Variants in DPP9 observed in about 807,000 individuals in gnomAD.
The protein encoded by DPP9 is dipeptidyl peptidase 9.
In DPP9, 50 loss-of-function variants were observed where a neutral mutation model predicts 110.7. The ratio of observed to expected loss-of-function variants is 0.45; its 90% CI spans 0.36 to 0.57. DPP9 has a LOEUF of 0.57. DPP9 is among the 20% of genes least tolerant of loss of function. The pLI, the probability that DPP9 is intolerant of heterozygous loss-of-function variation, is 0.00. For missense variants in DPP9, 1,022 were observed against 1,217.9 expected, an observed-to-expected ratio of 0.84 and a Z score of 2.39; for synonymous variants, 561 against 514.4, an observed-to-expected ratio of 1.09 and a Z score of -1.23.
chr19:4,695,417 C>T lies in DPP9; in HGVS notation c.1314G>A (p.Pro438=), dbSNP rs954699260. The T allele has an allele frequency of 3.2e-5, 51 of 1,593,442 alleles. No individual in the cohort carries two copies. Among genetic ancestry groups the T allele is most frequent in the African/African-American group, 1.2e-4 (9 of 74,204 alleles). ...SARAVPRNVQ[P]YVVYEEVTNV... is the part of the protein sequence containing the mutation. ...TGGTGACCTCCTCGTACACCACATA[C>T]GGCTGGACATTCCTGGGGACAGCTC... Residue 438 remains proline, a synonymous_variant, in exon 12 of 22, where the codon CCG becomes CCA. Coordinates refer to ENST00000262960, the MANE Select transcript of DPP9 (RefSeq NM_139159.5). The surrounding 1 kb of genome is among the most constrained non-coding windows in gnomAD (Gnocchi z 4.7).
At chr19:4,705,344 C>A (rs1465207989) in intron 5 of DPP9, among the ~76,000 whole-genome samples, 1 of 152,182 alleles carries the variant, frequency 6.6e-6, no homozygotes, top group Non-Finnish European at 1.5e-5. Flanking sequence ...CCATCTCAGC[C>A]TACCAATTAG....
At position 4,687,939 on chromosome 19, in the gene DPP9, G is replaced by A. The variant is rs528326494; in HGVS notation, c.1885+818C>T. The stretch of plus-strand genomic sequence containing the variant: ...CAGCCTCCCGAGTAGTGGGACTACA[G>A]GCGCCCGCCACCATGCTCGGCTAAT... On this transcript the variant is annotated intron_variant, in intron 16 of 21. Coordinates refer to ENST00000262960, the MANE Select transcript of DPP9 (RefSeq NM_139159.5). The surrounding 1 kb of genome is among the most constrained non-coding windows in gnomAD (Gnocchi z 4.7). Among the ~76,000 whole-genome samples the A allele has an allele frequency of 8.9e-4, 136 of 152,032 alleles. No individual in the cohort carries two copies. The highest frequency in any genetic ancestry group is 1.8e-3 in the Non-Finnish European group (119 of 67,994).
At position 4,685,669 on chromosome 19, in the gene DPP9, C is replaced by T; in HGVS notation, c.1988G>A (p.Gly663Glu). Reference protein sequence around the residue: ...MIYKPHALQPGKKHPTVLFVY... With the variant: ...MIYKPHALQPEKKHPTVLFVY... ...AAAGAGGACGGTGGGGTGCTTCTTC[C>T]CTGGCTGCAAGGCGTGGGGCTTGTA... The change falls in exon 17 of 22, where the codon GGG (glycine) becomes GAG (glutamate). Residue 663 changes from glycine (G) to glutamate (E), a missense_variant. Physicochemically the swap from Gly to Glu is moderately conservative, Grantham distance 98 (BLOSUM62 -2). Coordinates refer to ENST00000262960, the MANE Select transcript of DPP9 (RefSeq NM_139159.5). The surrounding 1 kb of genome is among the most constrained non-coding windows in gnomAD (Gnocchi z 5.8). 1 of 1,612,620 alleles carries T rather than the reference C, an allele frequency of 6.2e-7. No individual in the cohort carries two copies.
chr19:4,700,741 C>T lies in DPP9; in HGVS notation c.1013-464G>A, dbSNP rs571757264. On this transcript the variant is annotated intron_variant, in intron 9 of 21. Coordinates refer to ENST00000262960, the MANE Select transcript of DPP9 (RefSeq NM_139159.5). This position sits in a 1 kb window ranked among gnomAD's most constrained non-coding sequence, Gnocchi z 4.3. ...GTGTGACAGCCAGACCTGCGCCCTC[C>T]GGAGGCCAATGGCGACAGAATAAGG... Among the ~76,000 whole-genome samples, 4 of 152,274 alleles carry T rather than the reference C, an allele frequency of 2.6e-5. No individual in the cohort carries two copies. The highest frequency in any genetic ancestry group is 2.1e-4 in the South Asian group (1 of 4,824).
intron 11 of DPP9, 86 bp downstream of exon 11, chr19:4,697,465 C>G: frequency 8.6e-7 from 1 of 1,167,582 alleles, no homozygotes; most frequent in Admixed American, 2.1e-5. Flanking sequence ...AGGAATGGCA[C>G]GGAAGGCCAG....
Position 4,694,577 on chromosome 19 carries a change from G to A in DPP9, c.1516+84C>T, listed in dbSNP as rs776725374. On this transcript the variant is annotated intron_variant, in intron 13 of 21. Coordinates refer to ENST00000262960, the MANE Select transcript of DPP9 (RefSeq NM_139159.5). This position sits in a 1 kb window ranked among gnomAD's most constrained non-coding sequence, Gnocchi z 4.0. ...CCCGCAGGGTGTGCTGGCTGAGTGG[G>A]GGGGCCGACCAATGAACAAACAGCA... 5.3e-6 allele frequency: 8 copies of A among 1,503,910 alleles called. No homozygotes were observed. The African/African-American group carries it at 5.5e-5, about 10-fold the overall frequency. The allele number at this position is 1,503,910 out of a possible 1,614,324, so 93.2% of individuals were successfully genotyped here. A position where few individuals can be genotyped will look rare whatever the true frequency, so the allele number is the denominator to read the frequency against.
intron 7 of DPP9, among the ~76,000 whole-genome samples, chr19:4,703,005 C>T (rs1436559910): frequency 1.3e-5 from 2 of 151,834 alleles, no homozygotes; most frequent in Non-Finnish European, 2.9e-5. Flanking sequence ...CCACTCACCC[C>T]ATGGCAAGCC....
At chr19:4,691,309 C>T (rs2145539848) in intron 13 of DPP9, among the ~76,000 whole-genome samples, 1 of 151,082 alleles carries the variant, frequency 6.6e-6, no homozygotes, top group South Asian at 2.1e-4. Context: ...CCCTGTCTCT[C>T]CAAAAAAAAA....
In DPP9 at chr19:4,676,747, G is replaced by T. The variant is rs74498012; in HGVS notation, c.2587-91C>A. ...CCTTATTCTGGCTCAGGGCATCCGG[G>T]AAGGCGCAGGTGCTCTGAGGCCCAG... On this transcript the variant is annotated intron_variant, in intron 21 of 21. Transcript: ENST00000262960. The surrounding 1 kb of genome is among the most constrained non-coding windows in gnomAD (Gnocchi z 4.0). 0.011 allele frequency: 11,847 copies of T among 1,054,214 alleles called. 123 individuals are homozygous for T. The highest frequency in any genetic ancestry group is 0.044 in the African/African-American group (2,803 of 63,610). The allele number at this position is 1,054,214 out of a possible 1,614,324, so 65.3% of individuals were successfully genotyped here.
chr19:4,723,252 A>G (rs1410007453), intron 1 of DPP9, among the ~76,000 whole-genome samples: 1 of 152,122 alleles, frequency 6.6e-6, no homozygotes, highest in African/African-American at 2.4e-5. Context: ...CTCTGTGCAT[A>G]TACAGCATTT....
At chr19:4,688,959 G>A (rs1197372670) in intron 15 of DPP9, 67 bp from the exon 16 acceptor site, 5 of 1,474,712 alleles carry the variant, frequency 3.4e-6, no homozygotes, top group Non-Finnish European at 2.7e-6. Flanking sequence ...GGTGCCGACC[G>A]CAGATCCAGG....
chr19:4,703,926 G>A lies in DPP9; in HGVS notation c.729C>T (p.Ile243=), dbSNP rs759588640. The A allele has an allele frequency of 7.4e-6, 12 of 1,612,630 alleles. No homozygotes were observed. Among genetic ancestry groups the A allele is most frequent in the Admixed American group, 5.0e-5 (3 of 59,720 alleles). ...TCAGCCGCCGCTCCTCGCCTGTCTC[G>A]ATGTTGGCCACCCACAGGTCGCTGT... ...INNSDLWVAN[I]ETGEERRLTF... Residue 243 remains isoleucine (I), a synonymous_variant, in exon 7 of 22, where the codon ATC becomes ATT. Coordinates refer to ENST00000262960, the MANE Select transcript of DPP9 (RefSeq NM_139159.5).
chr19:4,687,060 C>T lies in DPP9; in HGVS notation c.1886-1289G>A, dbSNP rs962713264. ...GCACTGAGGTTCTGGTCTCTGCCCC[C>T]ACTGCTAGGCTGGGTGCCCTGCTGA... is the stretch of plus-strand genomic sequence containing the variant. On this transcript the variant is annotated intron_variant, in intron 16 of 21. Transcript: ENST00000262960. This position sits in a 1 kb window ranked among gnomAD's most constrained non-coding sequence, Gnocchi z 4.7. Among the ~76,000 whole-genome samples the T allele has an allele frequency of 6.6e-6, 1 of 152,158 alleles. No individual in the cohort carries two copies. Among genetic ancestry groups the T allele is most frequent in the Admixed American group, 6.5e-5 (1 of 15,270 alleles).
At chr19:4,711,048 C>A (rs1005818120) in intron 4 of DPP9, among the ~76,000 whole-genome samples, 3 of 152,154 alleles carry the variant, frequency 2.0e-5, no homozygotes, top group Admixed American at 2.0e-4. Flanking sequence ...TCCGTTTCTG[C>A]TGGTGGCTAG....
chr19:4,690,034 G>A (rs895441862), intron 14 of DPP9, among the ~76,000 whole-genome samples: 3 of 152,192 alleles, frequency 2.0e-5, no homozygotes, highest in African/African-American at 7.2e-5. Flanking sequence ...AGGTGGGAAG[G>A]CCAGGGAGGG....
intron 14 of DPP9, among the ~76,000 whole-genome samples, chr19:4,690,611 A>T (rs2091226169): frequency 6.6e-6 from 1 of 152,210 alleles, no homozygotes; most frequent in Admixed American, 6.5e-5. Flanking sequence ...TTCAGGGTGA[A>T]AGGATAAAGC....
chr19:4,683,180 C>A, intron 19 of DPP9: 1 of 1,438,302 alleles, frequency 7.0e-7, no homozygotes. Flanking sequence ...CTCTGCACAC[C>A]ATGCCCCACC....
Position 4,676,510 on chromosome 19 carries a change from C to T in DPP9, c.*54G>A. ...CACTCAGTCCCTCCCGCCTGGTTCC[C>T]CGCGGAGGCTGCAGCCACTTGTGCT... On this transcript the variant is annotated 3_prime_UTR_variant, in exon 22 of 22. Transcript: ENST00000262960. This position sits in a 1 kb window ranked among gnomAD's most constrained non-coding sequence, Gnocchi z 4.0. The T allele has an allele frequency of 6.8e-7, 1 of 1,479,888 alleles. No homozygotes were observed. Among genetic ancestry groups the T allele is most frequent in the Non-Finnish European group, 9.3e-7 (1 of 1,080,272 alleles). The allele number at this position is 1,479,888 out of a possible 1,614,324, so 91.7% of individuals were successfully genotyped here.
intron 1 of DPP9, chr19:4,722,886 G>C (rs1370488049): frequency 1.0e-5 from 3 of 287,144 alleles, no homozygotes; most frequent in African/African-American, 6.6e-5. Flanking sequence ...CCCTGGGGAA[G>C]ACCAGGGGGT....
Sources: allele counts gnomAD v4.1 joint callset (sites outside exome capture counted in the v4.1 genomes callset), GRCh38; gene constraint gnomAD v4.1.1; non-coding constraint Gnocchi (gnomAD v3.1); transcripts MANE v1.5; gene names NCBI Gene and HGNC (gene_info 2026-07-23, HGNC 2026-07-21).